Variants in CPLANE1 observed in about 807,000 individuals in gnomAD.
CPLANE1 encodes the protein ciliogenesis and planar polarity effector complex subunit 1, also known as ciliogenesis and planar polarity effector 1.
CPLANE1 carries 263 observed loss-of-function variants against 362.5 expected under a neutral mutation model. The ratio of observed to expected loss-of-function variants is 0.73; its 90% CI spans 0.66 to 0.80. The LOEUF is 0.80. CPLANE1 is among the 30% of genes least tolerant of loss of function. The probability of loss-of-function intolerance (pLI) is 0.00; values close to 1 mark genes in which losing one functional copy is unlikely to be tolerated. For missense variants in CPLANE1, 3,461 were observed against 3,793.4 expected (o/e 0.91, Z 2.30); for synonymous variants, 1,212 against 1,302.6 (o/e 0.93, Z 1.50).
the CPLANE1 span, among the ~76,000 whole-genome samples, chr5:37,078,904 T>A: frequency 6.6e-5 from 10 of 151,888 alleles, no homozygotes; most frequent in South Asian, 2.1e-4. Context: ...TTTAATGGGG[T>A]TTTTTCTTGT....
chr5:37,182,605 C>T (rs1175386626), intron 26 of CPLANE1, among the ~76,000 whole-genome samples, 155 bp downstream of exon 26: 1 of 151,826 alleles, frequency 6.6e-6, no homozygotes, highest in African/African-American at 2.4e-5. Flanking sequence ...TTAAAGGAAC[C>T]ACTGGAAGAA....
chr5:37,238,259 G>A (rs1182462406), intron 8 of CPLANE1, among the ~76,000 whole-genome samples: 4 of 151,904 alleles, frequency 2.6e-5, no homozygotes, highest in East Asian at 1.9e-4. Flanking sequence ...GGCAACCTCC[G>A]CCTCCTGGGT....
chr5:37,199,408 A>G (rs1160872178), intron 19 of CPLANE1, among the ~76,000 whole-genome samples: 2 of 152,106 alleles, frequency 1.3e-5, no homozygotes, highest in Non-Finnish European at 2.9e-5. Context: ...TTATATTTCA[A>G]TGTTACTTCC....
intron 15 of CPLANE1, among the ~76,000 whole-genome samples, chr5:37,215,245 C>G (rs57169824): frequency 1.3e-5 from 2 of 152,038 alleles, no homozygotes; most frequent in African/African-American, 2.4e-5. Context: ...GACCAGTTTT[C>G]TCCATGTTGG....
Position 37,139,356 on chromosome 5 carries a change from C to G in CPLANE1, c.8647G>C (p.Asp2883His). Reference sequence around the variant, plus strand: ...GATATTTACCTCTCACACAATTCATCACTGCTATTCATACCTAAAAAAAAA... The same window carrying G: ...GATATTTACCTCTCACACAATTCATGACTGCTATTCATACCTAAAAAAAAA... Reference protein sequence around the residue: ...NTTSPGMNSSDELCESVSVHP... With the variant: ...NTTSPGMNSSHELCESVSVHP... Residue 2883 changes from aspartate to histidine, a missense_variant, in exon 45 of 53, where the codon GAT becomes CAT. Coordinates refer to ENST00000651892, the MANE Select transcript of CPLANE1 (RefSeq NM_001384732.1). 8.1e-7 allele frequency: 1 copy of G among 1,239,456 alleles called. No homozygotes were observed. The highest frequency in any genetic ancestry group is 1.1e-6 in the Non-Finnish European group (1 of 894,106). The allele number at this position is 1,239,456 out of a possible 1,614,324, so 76.8% of individuals were successfully genotyped here. A position where few individuals can be genotyped will look rare whatever the true frequency, so the allele number is the denominator to read the frequency against.
intron 18 of CPLANE1, among the ~76,000 whole-genome samples, chr5:37,204,209 T>C (rs1014017899): frequency 3.3e-5 from 5 of 152,076 alleles, no homozygotes; most frequent in Non-Finnish European, 7.4e-5. Flanking sequence ...CAAAGAAAAG[T>C]TTATAGTCAG....
Position 37,167,906 on chromosome 5 carries a change from A to C in CPLANE1, c.7234-693T>G, listed in dbSNP as rs535811851. On this transcript the variant is annotated intron_variant, in intron 34 of 52. Transcript: ENST00000651892. ...ACCACAGATGGAACAGACCAGCAATATGCTGAAAATCCCTGAAGCCTTGGG... is the reference window on the plus strand; with the variant it reads ...ACCACAGATGGAACAGACCAGCAATCTGCTGAAAATCCCTGAAGCCTTGGG... 1.1e-4 allele frequency among the ~76,000 whole-genome samples: 17 copies of C among 152,338 alleles called. No individual in the cohort carries two copies. In the South Asian group the frequency reaches 3.5e-3, roughly 32 times the overall value.
In CPLANE1 at chr5:37,187,820, A is replaced by G; in HGVS notation, c.3834T>C (p.Ala1278=). The change falls in exon 22 of 53, where the codon GCT becomes GCC. Residue 1278 remains alanine, a synonymous_variant. Coordinates refer to ENST00000651892, the MANE Select transcript of CPLANE1 (RefSeq NM_001384732.1). ...CACGGACATGCAGCATCCAACACAG[A>G]GCACAAAGTTCTCTGAAGCAACCTA... The part of the protein sequence containing the change: ...RAIGCFRELC[A]LCWMLHVRDK... The G allele has an allele frequency of 6.2e-7, 1 of 1,613,346 alleles. No homozygotes were observed. The highest frequency in any genetic ancestry group is 8.5e-7 in the Non-Finnish European group (1 of 1,179,572).
intron 21 of CPLANE1, among the ~76,000 whole-genome samples, chr5:37,190,110 A>G (rs1785109155): frequency 6.6e-6 from 1 of 152,176 alleles, no homozygotes; most frequent in Non-Finnish European, 1.5e-5. Flanking sequence ...TTACCTTGCT[A>G]TAAAATCTGC....
intron 16 of CPLANE1, chr5:37,211,581 C>A (rs1284761922): frequency 1.0e-6 from 1 of 982,522 alleles, no homozygotes; most frequent in East Asian, 2.4e-5. Flanking sequence ...CTCCACACCC[C>A]TTCCAAAAGC....
chr5:37,138,508 A>C lies in CPLANE1; in HGVS notation c.8792+212T>G, dbSNP rs768332604. 8.8e-6 allele frequency: 6 copies of C among 685,240 alleles called. No individual in the cohort carries two copies. The East Asian group carries it at 1.8e-4, about 21-fold the overall frequency. 42.4% of individuals were successfully genotyped at this position (685,240 alleles called of 1,614,324 possible). ...TTAAATGTATGTTGTACTTAGAGTGATTCTTGGGAAAACCCACAGGATACA... is the reference window on the plus strand; with the variant it reads ...TTAAATGTATGTTGTACTTAGAGTGCTTCTTGGGAAAACCCACAGGATACA... On this transcript the variant is annotated intron_variant, in intron 46 of 52. Coordinates refer to ENST00000651892, the MANE Select transcript of CPLANE1 (RefSeq NM_001384732.1).
chr5:37,079,670 G>T, the CPLANE1 span, among the ~76,000 whole-genome samples: 1 of 152,064 alleles, frequency 6.6e-6, no homozygotes, highest in Non-Finnish European at 1.5e-5. Flanking sequence ...TTTCATCAGG[G>T]TCTCTACGTC....
chr5:37,159,540 A>G lies in CPLANE1; in HGVS notation c.7691-1195T>C, dbSNP rs966616823. 2.0e-5 allele frequency among the ~76,000 whole-genome samples: 3 copies of G among 152,250 alleles called. No individual in the cohort carries two copies. In the South Asian group the frequency reaches 6.2e-4, roughly 31 times the overall value. On this transcript the variant is annotated intron_variant, in intron 38 of 52. Coordinates refer to ENST00000651892, the MANE Select transcript of CPLANE1 (RefSeq NM_001384732.1). ...AAACGTTAACTGCTTCTTATTTAAC[A>G]GTAAAATAAACAGGCCTGTCACAGC...
intron 51 of CPLANE1, 126 bp downstream of exon 51, chr5:37,114,834 G>T: frequency 1.7e-6 from 1 of 599,816 alleles, no homozygotes; most frequent in Non-Finnish European, 2.9e-6. Context: ...CGGGAGTGGA[G>T]GTTACAGTGA....
intron 7 of CPLANE1, 30 bp from the exon 8 acceptor site, chr5:37,238,990 A>G: frequency 1.8e-6 from 2 of 1,110,658 alleles, no homozygotes; most frequent in Non-Finnish European, 2.6e-6. Flanking sequence ...CAAGAAAACT[A>G]TTAAAATTAT....
intron 18 of CPLANE1, among the ~76,000 whole-genome samples, chr5:37,204,340 G>T (rs1366166037): frequency 2.0e-5 from 3 of 152,114 alleles, no homozygotes; most frequent in Non-Finnish European, 2.9e-5. Flanking sequence ...CCTCACAGTT[G>T]CCCTGGTTTT....
At chr5:37,132,117 C>T (rs892945638) in intron 46 of CPLANE1, among the ~76,000 whole-genome samples, 1 of 151,828 alleles carries the variant, frequency 6.6e-6, no homozygotes, top group African/African-American at 2.4e-5. Flanking sequence ...GCAGATACAT[C>T]GAATAATAGA....
chr5:37,140,412 T>G, intron 44 of CPLANE1: 1 of 984,966 alleles, frequency 1.0e-6, no homozygotes, highest in Non-Finnish European at 1.2e-6. Context: ...AATCTGGGCA[T>G]TTGTGGGTTA....
intron 46 of CPLANE1, among the ~76,000 whole-genome samples, chr5:37,134,170 G>T (rs1766842770): frequency 6.6e-6 from 1 of 152,174 alleles, no homozygotes; most frequent in Admixed American, 6.5e-5. Context: ...GATTGGGGAG[G>T]AGTCTGTCCT....
Sources: gnomAD v4.1 joint callset for allele counts (sites outside exome capture counted in the v4.1 genomes callset) on GRCh38, gnomAD v4.1.1 for gene constraint, MANE v1.5 for transcripts, NCBI Gene and HGNC (gene_info 2026-07-23, HGNC 2026-07-21) for gene names.